Variants in DOCK4 observed in about 807,000 individuals in gnomAD.
DOCK4 encodes the protein dedicator of cytokinesis 4, also known as dedicator of cytokinesis protein 4.
Under a neutral mutation model 268.1 loss-of-function variants are expected in DOCK4, and 97 were observed. The observed-to-expected ratio is 0.36, with a 90% CI of 0.31 to 0.43. The LOEUF (loss-of-function observed/expected upper bound fraction) is 0.43, where lower values mean the gene tolerates loss of function less well. Ranked by LOEUF, DOCK4 falls within the 20% of genes least tolerant of loss-of-function variation. The pLI, the probability that DOCK4 is intolerant of heterozygous loss-of-function variation, is 1.00. For synonymous variants in DOCK4, 954 were observed against 887.2 expected (o/e 1.08, Z -1.34); for missense variants, 2,145 against 2,455.7 (o/e 0.87, Z 2.67).
At position 112,004,145 on chromosome 7, in the gene DOCK4, TA is replaced by T; in HGVS notation, c.38-15del. 1 of 1,556,254 alleles carries T rather than the reference TA, an allele frequency of 6.4e-7. No individual in the cohort carries two copies. Among genetic ancestry groups the T allele is most frequent in the Non-Finnish European group, 8.7e-7 (1 of 1,145,578 alleles). On this transcript the variant is annotated splice_polypyrimidine_tract_variant and intron_variant, in intron 1 of 52. Coordinates refer to ENST00000428084, the MANE Select transcript of DOCK4 (RefSeq NM_001363540.2). ...AACTGGCAATAACTGTAAAAAATGA[TA>T]AAGAATATATGAAGACAATCATGTC...
chr7:111,921,842 C>A (rs551836252), intron 12 of DOCK4, among the ~76,000 whole-genome samples: 1 of 152,280 alleles, frequency 6.6e-6, no homozygotes, highest in South Asian at 2.1e-4. Context: ...AACAAATTAG[C>A]TTCCATCAAA....
chr7:111,835,527 C>T (rs1271559215), intron 25 of DOCK4, among the ~76,000 whole-genome samples: 1 of 152,108 alleles, frequency 6.6e-6, no homozygotes, highest in Non-Finnish European at 1.5e-5. Flanking sequence ...TTTGAATGAA[C>T]TTCTAATTTA....
chr7:112,163,856 G>A (rs979056972), intron 1 of DOCK4, among the ~76,000 whole-genome samples: 1 of 152,070 alleles, frequency 6.6e-6, no homozygotes, highest in Non-Finnish European at 1.5e-5. Flanking sequence ...AACTGCAAGG[G>A]GCTAAGCAAG....
chr7:111,868,070 G>T lies in DOCK4; in HGVS notation c.2194C>A (p.Arg732Ser). The T allele has an allele frequency of 6.2e-7, 1 of 1,613,534 alleles. No individual in the cohort carries two copies. The highest frequency in any genetic ancestry group is 8.5e-7 in the Non-Finnish European group (1 of 1,179,658). The change falls in exon 22 of 53, where the codon CGC (arginine) becomes AGC (serine). Residue 732 changes from arginine to serine, a missense_variant. Transcript: ENST00000428084. ...ATGAGAAGCTCCTGAATGCAGCAGC[G>T]GAACTCCTCTTCGTTTTGCCCACCA... ...ATGGQNEEEF[R>S]CCIQELLMSV...
chr7:112,093,861 G>T (rs1809862272), intron 1 of DOCK4, among the ~76,000 whole-genome samples: 2 of 146,300 alleles, frequency 1.4e-5, no homozygotes, highest in South Asian at 4.3e-4. Flanking sequence ...AAAATTAATG[G>T]CTCTCTGACA....
chr7:111,799,005 C>T (rs1220877294), intron 30 of DOCK4, among the ~76,000 whole-genome samples: 3 of 152,060 alleles, frequency 2.0e-5, no homozygotes, highest in Admixed American at 6.5e-5. Context: ...GTGAGGTAGC[C>T]AAAGGAAATA....
chr7:112,144,847 C>G (rs1475089548), intron 1 of DOCK4, among the ~76,000 whole-genome samples: 4 of 152,136 alleles, frequency 2.6e-5, no homozygotes, highest in Non-Finnish European at 5.9e-5. Flanking sequence ...TCAGTCCTAC[C>G]AGGACTACTG....
In DOCK4 at chr7:111,765,094, C is replaced by T. The variant is rs1374396983; in HGVS notation, c.4020+24G>A. 6.5e-6 allele frequency: 8 copies of T among 1,228,000 alleles called. No homozygotes were observed. In the Admixed American group the frequency reaches 2.5e-4, roughly 38 times the overall value. The allele number at this position is 1,228,000 out of a possible 1,614,324, so 76.1% of individuals were successfully genotyped here. On this transcript the variant is annotated intron_variant, in intron 39 of 52. Transcript: ENST00000428084. Reference sequence around the variant, plus strand: ...GATATCTATATGAGAGCTGTGAAAGCAAATTAAATAGTATATTACTTACTC... The same window carrying T: ...GATATCTATATGAGAGCTGTGAAAGTAAATTAAATAGTATATTACTTACTC...
intron 30 of DOCK4, among the ~76,000 whole-genome samples, chr7:111,794,433 A>C (rs544904398): frequency 4.6e-5 from 7 of 152,190 alleles, no homozygotes; most frequent in African/African-American, 1.4e-4. Context: ...GCAAAATATA[A>C]GAGGAACAAA....
At chr7:112,154,213 C>T (rs1816383878) in intron 1 of DOCK4, among the ~76,000 whole-genome samples, 1 of 152,098 alleles carries the variant, frequency 6.6e-6, no homozygotes, top group Admixed American at 6.6e-5. Flanking sequence ...CTCAAGCAAT[C>T]CTCCCACCTC....
At chr7:112,032,245 A>G (rs940702254) in intron 1 of DOCK4, among the ~76,000 whole-genome samples, 5 of 152,236 alleles carry the variant, frequency 3.3e-5, no homozygotes, top group Non-Finnish European at 5.9e-5. Context: ...GGAAGAGAAT[A>G]AACAAAAATA....
chr7:112,088,598 G>C (rs1379836281), intron 1 of DOCK4, among the ~76,000 whole-genome samples: 2 of 152,116 alleles, frequency 1.3e-5, no homozygotes, highest in Non-Finnish European at 2.9e-5. Context: ...CTATGGGAAA[G>C]AGCACAGAGC....
At chr7:111,900,058 G>C (rs922573913) in intron 15 of DOCK4, among the ~76,000 whole-genome samples, 3 of 152,210 alleles carry the variant, frequency 2.0e-5, no homozygotes, top group African/African-American at 7.2e-5. Flanking sequence ...ACACAAATCA[G>C]ATATGCATCT....
intron 33 of DOCK4, 51 bp from the exon 34 acceptor site, chr7:111,784,003 C>T: frequency 1.9e-6 from 3 of 1,568,806 alleles, no homozygotes. Flanking sequence ...TTATCAGTCA[C>T]CATGACAACC....
At chr7:112,157,647 A>T (rs1816743846) in intron 1 of DOCK4, among the ~76,000 whole-genome samples, 1 of 152,184 alleles carries the variant, frequency 6.6e-6, no homozygotes, top group Non-Finnish European at 1.5e-5. Context: ...TACCAGGCAA[A>T]GCAGAAACAG....
chr7:112,161,643 G>A (rs915610897), intron 1 of DOCK4, among the ~76,000 whole-genome samples: 1 of 152,184 alleles, frequency 6.6e-6, no homozygotes, highest in African/African-American at 2.4e-5. Flanking sequence ...GAGAGGTTGG[G>A]CTGATTTATG....
chr7:111,984,135 A>AGT lies in DOCK4; in HGVS notation c.549+169_549+170dup, dbSNP rs551894315. ...AGTATCATGTTATTCTTAGACAGGT[A>AGT]GTGTCTCAGTACTGTACTGAGGGCA... On this transcript the variant is annotated intron_variant, in intron 7 of 52. Coordinates refer to ENST00000428084, the MANE Select transcript of DOCK4 (RefSeq NM_001363540.2). 1.0e-3 allele frequency among the ~76,000 whole-genome samples: 156 copies of AGT among 152,246 alleles called. 1 individual carries two copies. The highest frequency in any genetic ancestry group is 1.8e-3 in the Non-Finnish European group (123 of 68,000).
At chr7:111,757,337 A>T (rs149399479) in intron 41 of DOCK4, among the ~76,000 whole-genome samples, 88 of 152,252 alleles carry the variant, frequency 5.8e-4, no homozygotes, top group Admixed American at 4.4e-3. Flanking sequence ...GGAGGCAGAA[A>T]ATGTGAGTTC....
Position 111,765,237 on chromosome 7 carries a change from A to C in DOCK4, c.3916-15T>G. On this transcript the variant is annotated splice_polypyrimidine_tract_variant and intron_variant, in intron 38 of 52. Coordinates refer to ENST00000428084, the MANE Select transcript of DOCK4 (RefSeq NM_001363540.2). ...GCTTCCATCATCTAGAAAGCACAGG[A>C]AACATTCTAAGCATTTTATCTCATC... The C allele has an allele frequency of 7.1e-7, 1 of 1,410,344 alleles. No homozygotes were observed. The highest frequency in any genetic ancestry group is 9.7e-7 in the Non-Finnish European group (1 of 1,035,760). 87.4% of individuals were successfully genotyped at this position (1,410,344 alleles called of 1,614,324 possible). A position where few individuals can be genotyped will look rare whatever the true frequency, so the allele number is the denominator to read the frequency against.
Sources: gnomAD v4.1 joint callset for allele counts (sites outside exome capture counted in the v4.1 genomes callset) on GRCh38, gnomAD v4.1.1 for gene constraint, MANE v1.5 for transcripts, NCBI Gene and HGNC (gene_info 2026-07-23, HGNC 2026-07-21) for gene names.